PRKAR1B: variants seen among roughly 807,000 people sequenced by gnomAD.
PRKAR1B encodes cAMP-dependent protein kinase type I-beta regulatory subunit.
In PRKAR1B, 22 loss-of-function variants were observed where a neutral mutation model predicts 46.5. The observed-to-expected ratio is 0.47, with a 90% CI of 0.34 to 0.68. The LOEUF (loss-of-function observed/expected upper bound fraction) is 0.68, where lower values mean the gene tolerates loss of function less well. Ranked by LOEUF, PRKAR1B falls within the 30% of genes least tolerant of loss-of-function variation. The pLI, the probability that PRKAR1B is intolerant of heterozygous loss-of-function variation, is 0.01. For missense variants in PRKAR1B, 445 were observed against 535.6 expected (o/e 0.83, Z 1.67); for synonymous variants, 259 against 217.7 (o/e 1.19, Z -1.67).
intron 2 of PRKAR1B, chr7:696,764 C>A (rs765456083): frequency 6.6e-6 from 1 of 152,272 alleles, no homozygotes; most frequent in Non-Finnish European, 1.5e-5. Flanking sequence ...TGTCCAGGCT[C>A]GACGGGACTT....
At chr7:716,442 C>T (rs1050860529) in intron 1 of PRKAR1B, among the ~76,000 whole-genome samples, 2 of 152,148 alleles carry the variant, frequency 1.3e-5, no homozygotes, top group African/African-American at 2.4e-5. Flanking sequence ...CAAGATTCAA[C>T]CAAAACGTTA....
At chr7:561,537 A>T (rs1778798741) in intron 9 of PRKAR1B, among the ~76,000 whole-genome samples, 1 of 152,020 alleles carries the variant, frequency 6.6e-6, no homozygotes, top group South Asian at 2.1e-4. Context: ...GGTGTCTTGG[A>T]GGTGACCGAG....
At chr7:561,274 G>GCACACA (rs201104071) in intron 9 of PRKAR1B, among the ~76,000 whole-genome samples, 5 of 150,110 alleles carry the variant, frequency 3.3e-5, no homozygotes, top group African/African-American at 9.8e-5. Context: ...ACACGCCTGT[G>GCACACA]CACACACACA....
chr7:613,254 T>G (rs1055887041), intron 4 of PRKAR1B, among the ~76,000 whole-genome samples: 9 of 151,300 alleles, frequency 5.9e-5, no homozygotes, highest in African/African-American at 2.2e-4. Context: ...TTTTTTTTTT[T>G]GATTACTTGT....
intron 2 of PRKAR1B, among the ~76,000 whole-genome samples, chr7:704,767 T>C (rs1179357919): frequency 6.6e-6 from 1 of 152,116 alleles, no homozygotes; most frequent in Admixed American, 6.5e-5. Flanking sequence ...AGACTCTGTC[T>C]CGGAGTAAAT....
chr7:586,209 CTG>C lies in PRKAR1B; in HGVS notation c.709-1643_709-1642del, dbSNP rs374118754. 1.5e-4 allele frequency among the ~76,000 whole-genome samples: 23 copies of C among 152,294 alleles called. No homozygotes were observed. The East Asian group carries it at 2.3e-3, about 15-fold the overall frequency. Reference sequence around the variant, plus strand: ...AGAAACAGCCGTGTGGTTTAAGACACTGTTATTTTGAGTATTTCTGTTACACC... The same window carrying C: ...AGAAACAGCCGTGTGGTTTAAGACACTTATTTTGAGTATTTCTGTTACACC... On this transcript the variant is annotated intron_variant, in intron 7 of 10. Coordinates refer to ENST00000537384, the MANE Select transcript of PRKAR1B (RefSeq NM_001164760.2).
intron 1 of PRKAR1B, among the ~76,000 whole-genome samples, chr7:715,929 A>C (rs995498065): frequency 1.3e-5 from 2 of 151,976 alleles, no homozygotes; most frequent in Admixed American, 6.5e-5. Context: ...GTTAGCCAGG[A>C]TGGTCTCGGT....
chr7:661,221 G>T (rs1236880323), intron 4 of PRKAR1B, among the ~76,000 whole-genome samples: 3 of 99,676 alleles, frequency 3.0e-5, no homozygotes, highest in South Asian at 4.0e-4. Context: ...CATGGCACAG[G>T]TCCCCACCCC....
At chr7:565,963 G>T (rs1779101023) in intron 9 of PRKAR1B, among the ~76,000 whole-genome samples, 1 of 152,214 alleles carries the variant, frequency 6.6e-6, no homozygotes, top group East Asian at 1.9e-4. Flanking sequence ...AAGGCTGGGG[G>T]TTATCAGCTG....
intron 7 of PRKAR1B, among the ~76,000 whole-genome samples, chr7:595,814 C>T (rs944214301): frequency 1.3e-5 from 2 of 152,218 alleles, no homozygotes; most frequent in Non-Finnish European, 2.9e-5. Context: ...CTCCTCACAC[C>T]TCTTTGCTCC....
intron 9 of PRKAR1B, among the ~76,000 whole-genome samples, chr7:574,089 A>T (rs1779688304): frequency 6.6e-6 from 1 of 152,140 alleles, no homozygotes; most frequent in Admixed American, 6.5e-5. Flanking sequence ...GTGAAGACGC[A>T]CCCACGATCC....
intron 4 of PRKAR1B, among the ~76,000 whole-genome samples, chr7:636,027 GCCGCGCCCAC>G (rs1784047603): frequency 1.7e-4 from 6 of 35,986 alleles, no homozygotes; most frequent in African/African-American, 6.8e-4. Flanking sequence ...TCCTCCACCG[GCCGCGCCCAC>G]ACGTCCTCCA....
At chr7:600,687 G>A (rs1327885825) in intron 6 of PRKAR1B, among the ~76,000 whole-genome samples, 3 of 152,174 alleles carry the variant, frequency 2.0e-5, no homozygotes, top group South Asian at 2.1e-4. Context: ...AACGGCCAGC[G>A]TCAGTGGGGA....
chr7:692,797 A>G (rs1408058262), intron 2 of PRKAR1B, among the ~76,000 whole-genome samples: 1 of 152,162 alleles, frequency 6.6e-6, no homozygotes, highest in Non-Finnish European at 1.5e-5. Context: ...TCAGTCAGGG[A>G]GAGGGCAAGA....
chr7:645,110 C>T (rs945448360), intron 4 of PRKAR1B, among the ~76,000 whole-genome samples: 1 of 152,164 alleles, frequency 6.6e-6, no homozygotes, highest in Non-Finnish European at 1.5e-5. Flanking sequence ...ACATCCTCCC[C>T]TCACACCCCT....
chr7:687,439 G>A (rs1230413064), intron 2 of PRKAR1B, among the ~76,000 whole-genome samples: 2 of 152,188 alleles, frequency 1.3e-5, no homozygotes, highest in African/African-American at 4.8e-5. Flanking sequence ...TAAGAACTTG[G>A]TGGATGGGTT....
intron 7 of PRKAR1B, among the ~76,000 whole-genome samples, chr7:591,187 G>A (rs1780954434): frequency 6.6e-6 from 1 of 152,184 alleles, no homozygotes. Context: ...GGGAGGGCCC[G>A]GCCCCAAAGA....
At chr7:663,665 C>T (rs943414556) in intron 4 of PRKAR1B, among the ~76,000 whole-genome samples, 1 of 152,184 alleles carries the variant, frequency 6.6e-6, no homozygotes, top group Non-Finnish European at 1.5e-5. Flanking sequence ...ATGTGGTGGT[C>T]TGGGCAGCAG....
At chr7:632,925 G>A (rs1008307429) in intron 4 of PRKAR1B, among the ~76,000 whole-genome samples, 10 of 152,212 alleles carry the variant, frequency 6.6e-5, no homozygotes, top group Non-Finnish European at 1.2e-4. Context: ...GTGCCTGTCC[G>A]GGAAGCAGAC....
Sources: allele counts gnomAD v4.1 joint callset (sites outside exome capture counted in the v4.1 genomes callset), GRCh38; gene constraint gnomAD v4.1.1; transcripts MANE v1.5; gene names NCBI Gene and HGNC (gene_info 2026-07-23, HGNC 2026-07-21).